Variants in MICAL1 observed in about 807,000 individuals in gnomAD.
The protein encoded by MICAL1 is [F-actin]-monooxygenase MICAL1.
A neutral mutation model predicts 131.8 loss-of-function variants in MICAL1; 95 were observed. The ratio of observed to expected loss-of-function variants is 0.72; its 90% CI spans 0.61 to 0.86. The LOEUF (loss-of-function observed/expected upper bound fraction) is 0.86. Ranked by LOEUF, MICAL1 falls within the 40% of genes least tolerant of loss-of-function variation. The pLI, the probability that MICAL1 is intolerant of heterozygous loss-of-function variation, is 0.00. For synonymous variants in MICAL1, 546 were observed against 554.2 expected (o/e 0.99, Z 0.21); for missense variants, 1,292 against 1,380.6 (o/e 0.94, Z 1.02).
chr6:109,451,522 G>C (rs760878825), intron 7 of MICAL1, 78 bp downstream of exon 7: 18 of 1,561,812 alleles, frequency 1.2e-5, no homozygotes, highest in Non-Finnish European at 1.6e-5. Context: ...CCACACCCAG[G>C]TGTCGACTAT....
chr6:109,450,741 C>T lies in MICAL1; in HGVS notation c.934-184G>A, dbSNP rs61253616. On this transcript the variant is annotated intron_variant, in intron 7 of 24. Transcript: ENST00000358807. ...TTCCAGCAGCCTGGAATTCTCAAAGCCCTTTCTTCAACATTCACCCTGCTG... is the reference window on the plus strand; with the variant it reads ...TTCCAGCAGCCTGGAATTCTCAAAGTCCTTTCTTCAACATTCACCCTGCTG... Among the ~76,000 whole-genome samples the T allele has an allele frequency of 6.2e-3, 942 of 152,296 alleles. 14 individuals carry two copies. The highest frequency in any genetic ancestry group is 0.022 in the African/African-American group (895 of 41,556).
chr6:109,452,556 A>G lies in MICAL1; in HGVS notation c.631T>C (p.Phe211Leu). 6.2e-7 allele frequency: 1 copy of G among 1,613,870 alleles called. No individual in the cohort carries two copies. The highest frequency in any genetic ancestry group is 8.5e-7 in the Non-Finnish European group (1 of 1,179,972). The part of the protein sequence containing the change: ...NPPAQLANYE[F>L]DVLISAAGGK... ...CCTGCAGCCGAGATAAGGACGTCAA[A>G]TTCATAGTTGGCCAGCTGGGCAGGG... The change falls in exon 5 of 25, where the codon TTT becomes CTT. Residue 211 changes from phenylalanine (F) to leucine (L), a missense_variant. Coordinates refer to ENST00000358807, the MANE Select transcript of MICAL1 (RefSeq NM_022765.4).
At chr6:109,462,171 G>C (rs912411047) in intron 1 of MICAL1, among the ~76,000 whole-genome samples, 1 of 152,196 alleles carries the variant, frequency 6.6e-6, no homozygotes, top group African/African-American at 2.4e-5. Context: ...CCATACAACT[G>C]GTGTTCTTAA....
chr6:109,446,765 G>A lies in MICAL1; in HGVS notation c.2235C>T (p.Phe745=). The stretch of plus-strand genomic sequence containing the variant: ...TCTGGGGCAGGTGCTGGAGGCAGTA[G>A]AAATGTCCTGGAAAGGGTAGAGAGG... ...GYEQHPGDGH[F]YCLQHLPQTD... The change falls in exon 18 of 25, where the codon TTC becomes TTT. Residue 745 remains phenylalanine, a synonymous_variant. Transcript: ENST00000358807. 6.2e-7 allele frequency: 1 copy of A among 1,613,474 alleles called. No individual in the cohort carries two copies. Among genetic ancestry groups the A allele is most frequent in the Non-Finnish European group, 8.5e-7 (1 of 1,179,808 alleles).
At position 109,444,944 on chromosome 6, in the gene MICAL1, A is replaced by G; in HGVS notation, c.2933T>C (p.Val978Ala). 1 of 1,614,116 alleles carries G rather than the reference A, an allele frequency of 6.2e-7. No individual in the cohort carries two copies. Among genetic ancestry groups the G allele is most frequent in the Non-Finnish European group, 8.5e-7 (1 of 1,180,030 alleles). ...AGCCACCAGGCTGTTTTTCTTGTCA[A>G]CGAGCTGTAGCAGCTGTCCTACCCA... Reference protein sequence around the residue: ...KLWVGQLLQLVDKKNSLVAEE... With the variant: ...KLWVGQLLQLADKKNSLVAEE... The change falls in exon 23 of 25, where the codon GTT (valine) becomes GCT (alanine). Residue 978 changes from valine to alanine, a missense_variant. Val to Ala is a moderately conservative substitution (Grantham distance 64, BLOSUM62 0). Transcript: ENST00000358807.
intron 15 of MICAL1, 34 bp downstream of exon 15, chr6:109,447,647 G>T (rs1775294673): frequency 1.2e-6 from 2 of 1,612,990 alleles, no homozygotes; most frequent in East Asian, 4.5e-5. Context: ...TAAAATGTGG[G>T]GTAGGAGACC....
At chr6:109,448,463 C>A in intron 12 of MICAL1, 70 bp from the exon 13 acceptor site, 1 of 1,557,074 alleles carries the variant, frequency 6.4e-7, no homozygotes, top group Non-Finnish European at 8.8e-7. Flanking sequence ...GGAAGGGCAG[C>A]AGGAGGGGAG....
chr6:109,449,032 TC>T, intron 11 of MICAL1, 153 bp from the exon 12 acceptor site: 1 of 963,956 alleles, frequency 1.0e-6, no homozygotes, highest in Non-Finnish European at 1.5e-6. Flanking sequence ...TATCAGCAGC[TC>T]TCCATCCCAA....
At chr6:109,456,051 G>A, upstream of MICAL1, 1 of 984,940 alleles carries the variant, frequency 1.0e-6, no homozygotes, top group Non-Finnish European at 1.2e-6. Context: ...TTCCGCTCTG[G>A]GGCCTCTGGG....
chr6:109,444,109 G>A lies in MICAL1; in HGVS notation c.*82C>T. ...TGTAAACAGCAAGGCTCTCTGCCAG[G>A]CAGCCCAGATGAACAGGGGTGGCAC... On this transcript the variant is annotated 3_prime_UTR_variant, in exon 25 of 25. Transcript: ENST00000358807. 2 of 1,536,046 alleles carry A rather than the reference G, an allele frequency of 1.3e-6. No homozygotes were observed. Among genetic ancestry groups the A allele is most frequent in the African/African-American group, 2.8e-5 (2 of 72,156 alleles).
upstream of MICAL1, among the ~76,000 whole-genome samples, chr6:109,456,931 CATT>C (rs1169529297): frequency 3.9e-5 from 6 of 152,094 alleles, no homozygotes; most frequent in Non-Finnish European, 8.8e-5. Flanking sequence ...GAAAGGCTGG[CATT>C]ATAAGATGCT....
chr6:109,447,660 C>G, intron 15 of MICAL1, 21 bp downstream of exon 15: 1 of 1,613,202 alleles, frequency 6.2e-7, no homozygotes, highest in African/African-American at 1.3e-5. Context: ...AGGAGACCGA[C>G]CCGCCCCTGC....
chr6:109,461,491 G>C (rs569604475), intron 1 of MICAL1, among the ~76,000 whole-genome samples: 33 of 152,200 alleles, frequency 2.2e-4, no homozygotes, highest in African/African-American at 7.5e-4. Context: ...TGTAATCCCA[G>C]CACTTTAGGA....
chr6:109,452,097 G>A (rs1775565782), intron 6 of MICAL1, 149 bp downstream of exon 6: 2 of 1,438,240 alleles, frequency 1.4e-6, no homozygotes, highest in Non-Finnish European at 9.1e-7. Flanking sequence ...TAATCCCTGA[G>A]GGGACAGGTT....
At chr6:109,445,380 G>T in intron 21 of MICAL1, 36 bp downstream of exon 21, 1 of 1,613,294 alleles carries the variant, frequency 6.2e-7, no homozygotes, top group South Asian at 1.1e-5. Flanking sequence ...TCAGAACTTT[G>T]ACCCCATCAG....
Position 109,452,332 on chromosome 6 carries a change from G to T in MICAL1, c.746C>A (p.Thr249Asn). The change falls in exon 6 of 25, where the codon ACC becomes AAC. Residue 249 changes from threonine (T) to asparagine (N), a missense_variant. Coordinates refer to ENST00000358807, the MANE Select transcript of MICAL1 (RefSeq NM_022765.4). The stretch of plus-strand genomic sequence containing the variant: ...CTCCGGCACCTGTGTCTCCTCCACG[G>T]TGCGTCCATTCACAAAGTTGGCTGT... ...GITANFVNGR[T>N]VEETQVPEIS... 6.2e-7 allele frequency: 1 copy of T among 1,614,206 alleles called. No homozygotes were observed. Among genetic ancestry groups the T allele is most frequent in the South Asian group, 1.1e-5 (1 of 91,084 alleles).
Position 109,446,252 on chromosome 6 carries a change from G to T in MICAL1, c.2465C>A (p.Thr822Asn). Residue 822 changes from threonine to asparagine, a missense_variant, in exon 19 of 25, where the codon ACC (threonine) becomes AAC (asparagine). Coordinates refer to ENST00000358807, the MANE Select transcript of MICAL1 (RefSeq NM_022765.4). ...TGGAGGCTCCATTTCCGGGTCAGGGGTAAGGTTAAGGGAGGACAACCGCTG... is the reference window on the plus strand; with the variant it reads ...TGGAGGCTCCATTTCCGGGTCAGGGTTAAGGTTAAGGGAGGACAACCGCTG... The part of the protein sequence containing the change: ...ERQRLSSLNL[T>N]PDPEMEPPPK... 6.2e-7 allele frequency: 1 copy of T among 1,611,520 alleles called. No homozygotes were observed. Among genetic ancestry groups the T allele is most frequent in the Admixed American group, 1.7e-5 (1 of 59,160 alleles).
chr6:109,452,311 G>C lies in MICAL1; in HGVS notation c.767C>G (p.Pro256Arg). The C allele has an allele frequency of 6.2e-7, 1 of 1,614,110 alleles. No individual in the cohort carries two copies. Among genetic ancestry groups the C allele is most frequent in the Non-Finnish European group, 8.5e-7 (1 of 1,180,022 alleles). Residue 256 changes from proline to arginine, a missense_variant, in exon 6 of 25, where the codon CCG (proline) becomes CGG (arginine). Pro to Arg is a moderately radical substitution (Grantham distance 103). Coordinates refer to ENST00000358807, the MANE Select transcript of MICAL1 (RefSeq NM_022765.4). ...GATCCTGGCTACACCACTGATCTCC[G>C]GCACCTGTGTCTCCTCCACGGTGCG... is the stretch of plus-strand genomic sequence containing the variant. ...NGRTVEETQV[P>R]EISGVARIYN...
chr6:109,451,734 C>T (rs1366230503), intron 6 of MICAL1, 34 bp from the exon 7 acceptor site: 1 of 1,611,252 alleles, frequency 6.2e-7, no homozygotes. Context: ...GTAGATATGT[C>T]TCCTGATAAT....
Sources: allele counts gnomAD v4.1 joint callset (sites outside exome capture counted in the v4.1 genomes callset), GRCh38; gene constraint gnomAD v4.1.1; transcripts MANE v1.5; gene names NCBI Gene and HGNC (gene_info 2026-07-23, HGNC 2026-07-21).